COL24A1: variants seen among roughly 807,000 people sequenced by gnomAD.
The protein encoded by COL24A1 is collagen alpha-1(XXIV) chain.
Under a neutral mutation model 253.9 loss-of-function variants are expected in COL24A1, and 224 were observed. The ratio of observed to expected loss-of-function variants is 0.88; its 90% confidence interval spans 0.79 to 0.99. The LOEUF (loss-of-function observed/expected upper bound fraction) is 0.99, where lower values mean the gene tolerates loss of function less well. COL24A1 is among the 50% of genes least tolerant of loss of function. COL24A1 has a pLI of 0.00. For synonymous variants in COL24A1, 685 were observed against 673.7 expected (o/e 1.02, Z -0.26); for missense variants, 2,131 against 2,068.5 (o/e 1.03, Z -0.59).
At chr1:85,808,934 T>C (rs1007000445) in intron 47 of COL24A1, among the ~76,000 whole-genome samples, 1 of 152,054 alleles carries the variant, frequency 6.6e-6, no homozygotes, top group Non-Finnish European at 1.5e-5. Context: ...GTGCTGCTGA[T>C]TGGTTGGGGA....
intron 24 of COL24A1, among the ~76,000 whole-genome samples, chr1:85,953,471 T>C (rs1690129397): frequency 6.6e-6 from 1 of 152,212 alleles, no homozygotes; most frequent in African/African-American, 2.4e-5. Context: ...TTGGCAAAAT[T>C]ATGTGTATAA....
intron 28 of COL24A1, among the ~76,000 whole-genome samples, chr1:85,903,587 ATAT>A (rs1684532107): frequency 6.6e-6 from 1 of 152,182 alleles, no homozygotes; most frequent in African/African-American, 2.4e-5. Context: ...AGAAAATCTA[ATAT>A]TTACATTCTT....
chr1:86,093,160 T>C (rs763039031), intron 5 of COL24A1, among the ~76,000 whole-genome samples: 10 of 152,058 alleles, frequency 6.6e-5, no homozygotes, highest in Non-Finnish European at 1.2e-4. Context: ...GAGATGCTTT[T>C]AAATGACACT....
Position 86,125,525 on chromosome 1 carries a change from G to C in COL24A1, c.811C>G (p.Pro271Ala). 6.2e-7 allele frequency: 1 copy of C among 1,613,608 alleles called. No individual in the cohort carries two copies. The highest frequency in any genetic ancestry group is 8.5e-7 in the Non-Finnish European group (1 of 1,179,760). Residue 271 changes from proline to alanine, a missense_variant, in exon 3 of 60, where the codon CCC becomes GCC. Pro to Ala is a conservative substitution (Grantham distance 27). Transcript: ENST00000370571. Reference protein sequence around the residue: ...PTKIPEHSPPPKLFAEKVLSE... With the variant: ...PTKIPEHSPPAKLFAEKVLSE... ...AGTACTTTTTCAGCAAATAGTTTGG[G>C]CGGGGGAGAGTGTTCCGGTATCTTT...
intron 53 of COL24A1, among the ~76,000 whole-genome samples, chr1:85,772,562 C>T (rs1348218029): frequency 6.6e-6 from 1 of 152,068 alleles, no homozygotes; most frequent in Admixed American, 6.5e-5. Context: ...GATCGCCATT[C>T]TAACTGGTGT....
intron 5 of COL24A1, among the ~76,000 whole-genome samples, chr1:86,097,494 CTCCTCCCTT>C: frequency 3.1e-5 from 1 of 32,340 alleles, no homozygotes; most frequent in Non-Finnish European, 6.5e-5. Context: ...CTCCTCCCTC[CTCCTCCCTT>C]CTCCTCCTCC....
intron 24 of COL24A1, among the ~76,000 whole-genome samples, chr1:85,940,940 C>T (rs969367830): frequency 5.9e-5 from 9 of 152,240 alleles, no homozygotes; most frequent in African/African-American, 2.2e-4. Context: ...GTTCACATAG[C>T]CTGCCCTTTT....
chr1:85,847,981 A>G (rs372364248), intron 38 of COL24A1, among the ~76,000 whole-genome samples: 5 of 152,148 alleles, frequency 3.3e-5, no homozygotes, highest in African/African-American at 1.2e-4. Flanking sequence ...TTTTGACCAA[A>G]CAAGCAGGGG....
chr1:85,844,743 A>G, intron 39 of COL24A1, among the ~76,000 whole-genome samples: 1 of 152,026 alleles, frequency 6.6e-6, no homozygotes, highest in East Asian at 1.9e-4. Flanking sequence ...GTTGAAATTG[A>G]TACTTTTTGA....
At chr1:86,052,903 T>C (rs968683079) in intron 10 of COL24A1, among the ~76,000 whole-genome samples, 1 of 152,066 alleles carries the variant, frequency 6.6e-6, no homozygotes, top group Non-Finnish European at 1.5e-5. Context: ...AAAACTTTTT[T>C]AGGTGTTTTT....
chr1:85,762,473 G>A (rs886943133), intron 53 of COL24A1, among the ~76,000 whole-genome samples: 1 of 152,066 alleles, frequency 6.6e-6, no homozygotes, highest in African/African-American at 2.4e-5. Context: ...AGCAGAGAAT[G>A]TACAAAACTT....
chr1:86,076,681 T>C (rs2221588), intron 7 of COL24A1, among the ~76,000 whole-genome samples: 51,681 of 151,534 alleles, frequency 0.34, 9,269 homozygotes, highest in Middle Eastern at 0.51. Flanking sequence ...GCCTCAGAAG[T>C]AACACCATAC....
intron 7 of COL24A1, among the ~76,000 whole-genome samples, chr1:86,069,738 G>C (rs1358290155): frequency 6.6e-6 from 1 of 152,204 alleles, no homozygotes; most frequent in African/African-American, 2.4e-5. Context: ...TGGTAATCCA[G>C]AGAATTCTTT....
At chr1:85,879,058 T>A (rs920693626) in intron 32 of COL24A1, among the ~76,000 whole-genome samples, 3 of 152,210 alleles carry the variant, frequency 2.0e-5, no homozygotes, top group Non-Finnish European at 4.4e-5. Context: ...ACAGTGTTTT[T>A]TCAAGGCAGA....
At chr1:85,878,551 C>G (rs959965159) in intron 32 of COL24A1, among the ~76,000 whole-genome samples, 1 of 152,162 alleles carries the variant, frequency 6.6e-6, no homozygotes, top group Non-Finnish European at 1.5e-5. Context: ...CATTCTTGTA[C>G]AGGTTTTTGT....
At position 85,877,191 on chromosome 1, in the gene COL24A1, AT is replaced by A; in HGVS notation, c.2977-17del. ...CTCGCAGTCCCTATATTAAAATAAAATTTAAGATATGAGAATAAAAGTTTAC... is the reference window on the plus strand; with the variant it reads ...CTCGCAGTCCCTATATTAAAATAAAATTAAGATATGAGAATAAAAGTTTAC... On this transcript the variant is annotated splice_polypyrimidine_tract_variant and intron_variant, in intron 32 of 59. Transcript: ENST00000370571. 6.4e-7 allele frequency: 1 copy of A among 1,572,596 alleles called. No individual in the cohort carries two copies.
chr1:85,833,801 T>C (rs1430485159), intron 43 of COL24A1, among the ~76,000 whole-genome samples: 1 of 151,938 alleles, frequency 6.6e-6, no homozygotes, highest in East Asian at 1.9e-4. Context: ...AAAGGATGAG[T>C]TCATGTCCTT....
intron 11 of COL24A1, among the ~76,000 whole-genome samples, chr1:86,048,399 T>G (rs969462495): frequency 6.6e-6 from 1 of 152,174 alleles, no homozygotes; most frequent in African/African-American, 2.4e-5. Context: ...TTAATGAAAA[T>G]TTTGACATAG....
rs146362018 is a variant in COL24A1, at chr1:86,041,991, T to A, written c.1950+4834A>T. Among the ~76,000 whole-genome samples, 893 of 152,172 alleles carry A rather than the reference T, an allele frequency of 5.9e-3. 13 individuals are homozygous for A. Among genetic ancestry groups the A allele is most frequent in the African/African-American group, 0.02 (833 of 41,532 alleles). ...TGAAGGCACAGAGAGCCCCAGGGTA[T>A]CCTCTAATATTAATTAATAATAAGG... On this transcript the variant is annotated intron_variant, in intron 12 of 59. Transcript: ENST00000370571.
Sources: gnomAD v4.1 joint callset for allele counts (sites outside exome capture counted in the v4.1 genomes callset) on GRCh38, gnomAD v4.1.1 for gene constraint, MANE v1.5 for transcripts, NCBI Gene and HGNC (gene_info 2026-07-23, HGNC 2026-07-21) for gene names.